ABHD18: variants seen among roughly 807,000 people sequenced by gnomAD.
ABHD18 encodes the protein cardiolipin-specific deacylase, mitochondrial.
Under a neutral mutation model 65.9 loss-of-function variants are expected in ABHD18, and 55 were observed. That is an observed-to-expected ratio of 0.84 (90% confidence interval 0.67 to 1.05). The LOEUF (loss-of-function observed/expected upper bound fraction) is 1.05. ABHD18 is among the 50% of genes least tolerant of loss of function. ABHD18 has a pLI of 0.00. For missense variants in ABHD18, 533 were observed against 558.5 expected, an observed-to-expected ratio of 0.95 and a Z score of 0.46; for synonymous variants, 181 against 180.2, an observed-to-expected ratio of 1.00 and a Z score of -0.04.
chr4:127,987,992 A>G (rs1043646466), intron 3 of ABHD18, among the ~76,000 whole-genome samples: 4 of 152,208 alleles, frequency 2.6e-5, no homozygotes, highest in African/African-American at 4.8e-5. Flanking sequence ...AGACTAGTTC[A>G]GTCATATAAC....
At chr4:127,989,679 C>T (rs1750596456) in intron 3 of ABHD18, 42 bp from the exon 4 acceptor site, 1 of 1,320,930 alleles carries the variant, frequency 7.6e-7, no homozygotes, top group East Asian at 2.5e-5. Flanking sequence ...ACCAAGATAT[C>T]TTAGTTTTCT....
chr4:127,984,564 A>G, intron 3 of ABHD18, 141 bp downstream of exon 3: 1 of 504,136 alleles, frequency 2.0e-6, no homozygotes, highest in Non-Finnish European at 3.5e-6. Flanking sequence ...TATTTAAAGA[A>G]TACTATTTGT....
intron 10 of ABHD18, among the ~76,000 whole-genome samples, chr4:128,022,161 T>G (rs1041763952): frequency 6.6e-6 from 1 of 152,170 alleles, no homozygotes; most frequent in African/African-American, 2.4e-5. Context: ...CAAGCCAACA[T>G]GGCACATGTA....
chr4:128,020,327 A>G (rs1229447717), intron 9 of ABHD18, among the ~76,000 whole-genome samples, 158 bp downstream of exon 9: 1 of 152,242 alleles, frequency 6.6e-6, no homozygotes, highest in Non-Finnish European at 1.5e-5. Context: ...CTACAGCAAA[A>G]GATACAACAC....
chr4:128,017,587 G>A, intron 8 of ABHD18, 86 bp downstream of exon 8: 1 of 1,231,386 alleles, frequency 8.1e-7, no homozygotes, highest in African/African-American at 1.5e-5. Context: ...ATTCACTTTA[G>A]GTATAGAATT....
At chr4:128,013,962 T>C (rs1467392945) in intron 7 of ABHD18, among the ~76,000 whole-genome samples, 2 of 151,466 alleles carry the variant, frequency 1.3e-5, no homozygotes, top group African/African-American at 4.8e-5. Flanking sequence ...AGCTAAGTAG[T>C]TGAAGAATTT....
chr4:127,988,140 G>A (rs548041357), intron 3 of ABHD18, among the ~76,000 whole-genome samples: 33 of 152,268 alleles, frequency 2.2e-4, no homozygotes, highest in African/African-American at 6.7e-4. Context: ...TAATAGTAGC[G>A]TTTTAAGTCA....
chr4:128,021,846 A>G (rs939959543), intron 10 of ABHD18, among the ~76,000 whole-genome samples: 2 of 152,178 alleles, frequency 1.3e-5, no homozygotes, highest in Non-Finnish European at 2.9e-5. Context: ...TCCTCCCTGC[A>G]TTATTAGTAA....
intron 3 of ABHD18, 66 bp downstream of exon 3, chr4:127,984,489 T>C (rs921129224): frequency 3.4e-6 from 3 of 875,168 alleles, no homozygotes; most frequent in Non-Finnish European, 5.3e-6. Context: ...TAAGAATAGA[T>C]TACATATTGG....
At chr4:127,970,892 T>G (rs1746634847) in intron 1 of ABHD18, among the ~76,000 whole-genome samples, 1 of 151,808 alleles carries the variant, frequency 6.6e-6, no homozygotes, top group Non-Finnish European at 1.5e-5. Context: ...CTGGCCAACA[T>G]GGTAAAACAC....
intron 1 of ABHD18, among the ~76,000 whole-genome samples, chr4:127,972,866 G>A (rs1454777433): frequency 1.3e-5 from 2 of 151,940 alleles, no homozygotes; most frequent in Non-Finnish European, 2.9e-5. Context: ...TTTACCATTT[G>A]TTTCATGATT....
chr4:127,971,032 G>A (rs191636507), intron 1 of ABHD18, among the ~76,000 whole-genome samples: 339 of 151,134 alleles, frequency 2.2e-3, no homozygotes, highest in Non-Finnish European at 2.7e-3. Flanking sequence ...CTGAGATCGT[G>A]CCACTGCATT....
intron 3 of ABHD18, among the ~76,000 whole-genome samples, chr4:127,985,366 G>A (rs1477638699): frequency 1.3e-5 from 2 of 151,714 alleles, no homozygotes; most frequent in Non-Finnish European, 2.9e-5. Context: ...CAAAGTAACT[G>A]TACTTGCATC....
intron 6 of ABHD18, among the ~76,000 whole-genome samples, chr4:128,010,293 G>A (rs1754304268): frequency 6.6e-6 from 1 of 152,192 alleles, no homozygotes; most frequent in Non-Finnish European, 1.5e-5. Context: ...ACTTTGGGAG[G>A]CCGAGGTGGG....
At chr4:127,982,915 GC>G in intron 1 of ABHD18, 23 bp from the exon 2 acceptor site, 1 of 1,242,264 alleles carries the variant, frequency 8.0e-7, no homozygotes, top group Non-Finnish European at 1.1e-6. Flanking sequence ...ATATTTTAAA[GC>G]CATTTTAAAT....
At chr4:127,975,881 A>C (rs900869476) in intron 1 of ABHD18, among the ~76,000 whole-genome samples, 1 of 152,142 alleles carries the variant, frequency 6.6e-6, no homozygotes, top group Non-Finnish European at 1.5e-5. Flanking sequence ...GCTAGAGTGC[A>C]GTGGTACAGT....
At chr4:128,034,402 A>G (rs969229941) in intron 12 of ABHD18, among the ~76,000 whole-genome samples, 3 of 152,128 alleles carry the variant, frequency 2.0e-5, no homozygotes, top group African/African-American at 7.2e-5. Context: ...CAATAGGAAA[A>G]AAACAGCTTT....
intron 4 of ABHD18, chr4:128,001,664 T>A: frequency 6.6e-7 from 1 of 1,519,070 alleles, no homozygotes; most frequent in Non-Finnish European, 8.8e-7. Flanking sequence ...TGGTTCAAAA[T>A]AACTTCCTTC....
intron 5 of ABHD18, 48 bp downstream of exon 5, chr4:128,009,046 A>G (rs762453802): frequency 2.5e-6 from 4 of 1,583,560 alleles, no homozygotes; most frequent in Non-Finnish European, 3.4e-6. Context: ...TTGTTAACAT[A>G]TTCTCCTTAA....
Sources: allele counts gnomAD v4.1 joint callset (sites outside exome capture counted in the v4.1 genomes callset), GRCh38; gene constraint gnomAD v4.1.1; transcripts MANE v1.5; gene names NCBI Gene and HGNC (gene_info 2026-07-23, HGNC 2026-07-21).